Variants in MCU observed in about 807,000 individuals in gnomAD.
MCU encodes mitochondrial calcium uniporter.
Under a neutral mutation model 45.2 loss-of-function variants are expected in MCU, and 12 were observed. The observed-to-expected ratio is 0.27, with a 90% CI of 0.17 to 0.43. The LOEUF is 0.43. Among genes scored for constraint, MCU ranks in the 20% least tolerant of loss-of-function variants. The pLI is 1.00. For missense variants in MCU, 324 were observed against 436.7 expected, an observed-to-expected ratio of 0.74 and a Z score of 2.30; for synonymous variants, 160 against 165.1, an observed-to-expected ratio of 0.97 and a Z score of 0.24.
intron 1 of MCU, among the ~76,000 whole-genome samples, chr10:72,726,256 C>CACGT (rs112936516): frequency 2.1e-4 from 30 of 145,632 alleles, no homozygotes; most frequent in African/African-American, 1.3e-4. Flanking sequence ...CACACACACA[C>CACGT]GTGTGTGTGT....
intron 2 of MCU, among the ~76,000 whole-genome samples, chr10:72,845,037 C>CCT (rs1418939464): frequency 1.3e-5 from 2 of 151,948 alleles, no homozygotes; most frequent in Non-Finnish European, 2.9e-5. Context: ...GCATGTGGTA[C>CCT]CTAAGCACAT....
At chr10:72,841,966 TATGA>T (rs1845054618) in intron 2 of MCU, among the ~76,000 whole-genome samples, 1 of 152,236 alleles carries the variant, frequency 6.6e-6, no homozygotes, top group Non-Finnish European at 1.5e-5. Flanking sequence ...TTTCGGGCTT[TATGA>T]ATGAGTAATC....
intron 1 of MCU, among the ~76,000 whole-genome samples, chr10:72,775,462 A>G (rs562590489): frequency 2.9e-4 from 44 of 152,246 alleles, no homozygotes; most frequent in Non-Finnish European, 4.0e-4. Context: ...TAAGTAAACA[A>G]CGCACCTCAA....
At chr10:72,789,490 A>G (rs1844125783) in intron 1 of MCU, among the ~76,000 whole-genome samples, 1 of 152,120 alleles carries the variant, frequency 6.6e-6, no homozygotes, top group South Asian at 2.1e-4. Flanking sequence ...GCTTTATGTC[A>G]TCTTATAGTC....
intron 1 of MCU, among the ~76,000 whole-genome samples, chr10:72,765,786 CA>C (rs36071651): frequency 0.18 from 11,187 of 63,438 alleles, 983 homozygotes; most frequent in African/African-American, 0.44. Flanking sequence ...GACGCTGTCT[CA>C]AAAAAAAAAA....
At chr10:72,766,076 C>T (rs995192699) in intron 1 of MCU, among the ~76,000 whole-genome samples, 1 of 152,036 alleles carries the variant, frequency 6.6e-6, no homozygotes, top group Non-Finnish European at 1.5e-5. Flanking sequence ...CACTGTTTTG[C>T]GGGCTAGTCT....
intron 1 of MCU, among the ~76,000 whole-genome samples, chr10:72,828,829 A>C (rs780490245): frequency 1.5e-4 from 23 of 152,184 alleles, no homozygotes; most frequent in Non-Finnish European, 2.8e-4. Context: ...AATTGATAAC[A>C]CTAGGGATTA....
chr10:72,723,704 G>T (rs568370812), intron 1 of MCU, among the ~76,000 whole-genome samples: 1 of 152,266 alleles, frequency 6.6e-6, no homozygotes, highest in Admixed American at 6.5e-5. Context: ...TTCCAGAGTG[G>T]CTGTATCAGT....
intron 1 of MCU, among the ~76,000 whole-genome samples, chr10:72,748,307 C>G (rs1307394238): frequency 6.6e-6 from 1 of 152,168 alleles, no homozygotes; most frequent in Admixed American, 6.5e-5. Context: ...CTTGGCCTCC[C>G]GAAGTGCTGG....
intron 1 of MCU, among the ~76,000 whole-genome samples, chr10:72,742,453 G>A (rs539980357): frequency 1.3e-5 from 2 of 152,166 alleles, no homozygotes; most frequent in South Asian, 4.2e-4. Context: ...TCCCCCTAGA[G>A]GTTCTCTGCA....
intron 1 of MCU, among the ~76,000 whole-genome samples, chr10:72,717,123 CTCTCT>C (rs927555141): frequency 8.6e-5 from 10 of 116,268 alleles, no homozygotes; most frequent in Non-Finnish European, 1.5e-4. Flanking sequence ...TTCTCTCTCT[CTCTCT>C]TTTTTTTTTT....
chr10:72,768,261 T>C (rs1843756621), intron 1 of MCU, among the ~76,000 whole-genome samples: 1 of 152,202 alleles, frequency 6.6e-6, no homozygotes, highest in Non-Finnish European at 1.5e-5. Context: ...TATGAAGTCA[T>C]TTTGGTATTT....
At chr10:72,880,375 C>T (rs528408350) in intron 6 of MCU, among the ~76,000 whole-genome samples, 20 of 151,562 alleles carry the variant, frequency 1.3e-4, no homozygotes, top group South Asian at 4.2e-4. Flanking sequence ...AAATCAATTG[C>T]GTTTCTATAT....
At chr10:72,791,252 T>A (rs1844155805) in intron 1 of MCU, among the ~76,000 whole-genome samples, 1 of 152,202 alleles carries the variant, frequency 6.6e-6, no homozygotes, top group Non-Finnish European at 1.5e-5. Context: ...TGTCTTAAAA[T>A]CACATGTATG....
intron 1 of MCU, among the ~76,000 whole-genome samples, chr10:72,735,073 CAAA>C (rs746175227): frequency 2.0e-5 from 2 of 98,470 alleles, no homozygotes; most frequent in Non-Finnish European, 4.2e-5. Context: ...GAGATTGTCT[CAAA>C]AAAAAAAAAA....
At chr10:72,700,224 T>A (rs1475102970) in intron 1 of MCU, among the ~76,000 whole-genome samples, 2 of 152,178 alleles carry the variant, frequency 1.3e-5, no homozygotes, top group East Asian at 3.9e-4. Flanking sequence ...CATGCTGGGC[T>A]AATTTTTTGT....
At chr10:72,868,607 G>A (rs1240950248) in intron 4 of MCU, 96 bp from the exon 5 acceptor site, 2 of 1,080,268 alleles carry the variant, frequency 1.9e-6, no homozygotes, top group East Asian at 4.8e-5. Flanking sequence ...CTGAAGGTGA[G>A]ATACCTATAA....
At chr10:72,714,345 CT>C (rs1160353409) in intron 1 of MCU, among the ~76,000 whole-genome samples, 2,877 of 54,684 alleles carry the variant, frequency 0.053, 237 homozygotes, top group African/African-American at 0.16. Context: ...CCGCCCTGGT[CT>C]TTTTTTTTTT....
intron 1 of MCU, among the ~76,000 whole-genome samples, chr10:72,812,632 T>G (rs184328362): frequency 1.8e-4 from 27 of 152,310 alleles, no homozygotes; most frequent in African/African-American, 6.3e-4. Flanking sequence ...TAGTATTCAT[T>G]ATTGAGATAT....
Sources: gnomAD v4.1 joint callset for allele counts (sites outside exome capture counted in the v4.1 genomes callset) on GRCh38, gnomAD v4.1.1 for gene constraint, MANE v1.5 for transcripts, NCBI Gene and HGNC (gene_info 2026-07-23, HGNC 2026-07-21) for gene names.